The following GASK1B variants were observed in gnomAD, a reference collection of about 807,000 sequenced individuals.
GASK1B encodes golgi associated kinase 1B.
In GASK1B, 34 loss-of-function variants were observed where a neutral mutation model predicts 42.8. The ratio of observed to expected loss-of-function variants is 0.79; its 90% CI spans 0.60 to 1.06. The LOEUF is 1.06. Among genes scored for constraint, GASK1B ranks in the 50% least tolerant of loss-of-function variants. The pLI is 0.00. For missense variants in GASK1B, 686 were observed against 661.0 expected, an observed-to-expected ratio of 1.04 and a Z score of -0.42; for synonymous variants, 262 against 259.1, an observed-to-expected ratio of 1.01 and a Z score of -0.11.
At chr4:158,142,037 TG>T (rs1731153956) in intron 3 of GASK1B, among the ~76,000 whole-genome samples, 1 of 138,578 alleles carries the variant, frequency 7.2e-6, no homozygotes, top group South Asian at 2.5e-4. Flanking sequence ...CTCCGCTTCC[TG>T]GGTTCACGCC....
chr4:158,155,564 C>T, intron 3 of GASK1B, 47 bp downstream of exon 3: 1 of 1,503,060 alleles, frequency 6.7e-7, no homozygotes, highest in Non-Finnish European at 9.2e-7. Flanking sequence ...GCTAATATAA[C>T]TCAGCGCCAG....
chr4:158,144,230 C>T (rs1045142581), intron 3 of GASK1B, among the ~76,000 whole-genome samples: 17 of 152,134 alleles, frequency 1.1e-4, no homozygotes, highest in South Asian at 6.2e-4. Context: ...AAGATTGTAA[C>T]GCTGCCAGAT....
intron 3 of GASK1B, among the ~76,000 whole-genome samples, chr4:158,132,849 A>C (rs1730733727): frequency 6.6e-6 from 1 of 152,168 alleles, no homozygotes; most frequent in African/African-American, 2.4e-5. Context: ...TTCATCCAAA[A>C]AGTCACATAG....
At position 158,171,213 on chromosome 4, in the gene GASK1B, C is replaced by T. The variant is rs1353570950; in HGVS notation, c.163G>A (p.Val55Met). 1.9e-6 allele frequency: 3 copies of T among 1,613,916 alleles called. No individual in the cohort carries two copies. Among genetic ancestry groups the T allele is most frequent in the African/African-American group, 1.3e-5 (1 of 74,942 alleles). The stretch of plus-strand genomic sequence containing the variant: ...CCATGCTGGAGAGAGGCCCTCCCCA[C>T]CTGGCTCACCAGGAAGCCCAAGTAG... ...AIYLGFLVSQVGRASLQHGQA... is the reference protein window; with the variant it reads ...AIYLGFLVSQMGRASLQHGQA... Residue 55 changes from valine (V) to methionine (M), a missense_variant, in exon 2 of 5, where the codon GTG (valine) becomes ATG (methionine). Physicochemically the swap from Val to Met is conservative, Grantham distance 21 (BLOSUM62 1). Coordinates refer to ENST00000585682, the MANE Select transcript of GASK1B (RefSeq NM_001128424.2).
At chr4:158,151,910 G>A (rs2110982428) in intron 3 of GASK1B, among the ~76,000 whole-genome samples, 1 of 152,302 alleles carries the variant, frequency 6.6e-6, no homozygotes, top group East Asian at 1.9e-4. Context: ...TTGAGTCAGT[G>A]GACTGGGAGA....
chr4:158,139,234 T>C lies in GASK1B; in HGVS notation c.1126-8222A>G, dbSNP rs147364816. Reference sequence around the variant, plus strand: ...TGCTTTCATGAAGATTACAACTTAATGCCTCTAAGAATGATTCACTGGGTA... The same window carrying C: ...TGCTTTCATGAAGATTACAACTTAACGCCTCTAAGAATGATTCACTGGGTA... On this transcript the variant is annotated intron_variant, in intron 3 of 4. Transcript: ENST00000585682. Among the ~76,000 whole-genome samples, 555 of 152,334 alleles carry C rather than the reference T, an allele frequency of 3.6e-3. 2 individuals are homozygous for C. Among genetic ancestry groups the C allele is most frequent in the African/African-American group, 0.01 (426 of 41,572 alleles).
chr4:158,131,014 T>C lies in GASK1B; in HGVS notation c.1126-2A>G. The stretch of plus-strand genomic sequence containing the variant: ...ATTTGTATCTAAGCGATTATAAATC[T>C]GTAAATGGAAAACACAAAATCCAAG... On this transcript the variant is annotated splice_acceptor_variant, in intron 3 of 4. Transcript: ENST00000585682. LOFTEE classifies it high-confidence loss of function. 1 of 1,609,240 alleles carries C rather than the reference T, an allele frequency of 6.2e-7. No homozygotes were observed. The highest frequency in any genetic ancestry group is 8.5e-7 in the Non-Finnish European group (1 of 1,177,620).
rs1304475697 is a variant in GASK1B at position 158,162,357 on chromosome 4, G to C, written c.911-6532C>G. On this transcript the variant is annotated intron_variant, in intron 2 of 4. Transcript: ENST00000585682. ...ACAGAGACTACTTCTTAGTCCTCTG[G>C]ATCTCCAACTTTTGATGCAGTGTCT... Among the ~76,000 whole-genome samples, 3 of 152,090 alleles carry C rather than the reference G, an allele frequency of 2.0e-5. No individual in the cohort carries two copies. The East Asian group carries it at 5.8e-4, about 29-fold the overall frequency.
intron 1 of GASK1B, chr4:158,172,154 T>TTCTCTC (rs543338035): frequency 1.3e-5 from 2 of 150,734 alleles, no homozygotes; most frequent in African/African-American, 2.4e-5. Flanking sequence ...TTTATTCTGT[T>TTCTCTC]TCTCTCTCTC....
chr4:158,141,597 C>CATTTTTTTTTTTTTTTTTTTTT lies in GASK1B; in HGVS notation c.1126-10586_1126-10585insAAAAAAAAAAAAAAAAAAAAAT, dbSNP rs1553958620. 6.2e-5 allele frequency among the ~76,000 whole-genome samples: 7 copies of CATTTTTTTTTTTTTTTTTTTTT among 113,694 alleles called. 3 individuals are homozygous for CATTTTTTTTTTTTTTTTTTTTT. 74.6% of individuals were successfully genotyped at this position (113,694 alleles called of 152,430 possible). A position where few individuals can be genotyped will look rare whatever the true frequency, so the allele number is the denominator to read the frequency against. On this transcript the variant is annotated intron_variant, in intron 3 of 4. Transcript: ENST00000585682. ...CATAGGTCAGTGCCTTTGTATTTAC[C>CATTTTTTTTTTTTTTTTTTTTT]TTTTTTTTTTTTTTTTTTTTTTTTT...
chr4:158,159,921 G>A (rs1044059189), intron 2 of GASK1B, among the ~76,000 whole-genome samples: 5 of 152,114 alleles, frequency 3.3e-5, no homozygotes, highest in African/African-American at 1.2e-4. Context: ...GAGCGGTTTT[G>A]TGGAATTATA....
At chr4:158,158,487 A>T (rs1053183202) in intron 2 of GASK1B, among the ~76,000 whole-genome samples, 3 of 152,106 alleles carry the variant, frequency 2.0e-5, no homozygotes, top group African/African-American at 7.2e-5. Flanking sequence ...CAAAGAAAAA[A>T]AGCTATTTGG....
rs1334005563 is a variant in GASK1B at position 158,124,747 on chromosome 4, T to A, written c.*2660A>T. On this transcript the variant is annotated 3_prime_UTR_variant, in exon 5 of 5. Coordinates refer to ENST00000585682, the MANE Select transcript of GASK1B (RefSeq NM_001128424.2). ...CACAATCCAACAAAATTCTTGACTC[T>A]CTTTCTTTTTTCACCGCTAAAGGTA... The A allele has an allele frequency of 6.6e-6, 1 of 152,160 alleles. No homozygotes were observed. Among genetic ancestry groups the A allele is most frequent in the Non-Finnish European group, 1.5e-5 (1 of 68,026 alleles). The allele number at this position is 152,160 out of a possible 1,614,324, so 9.4% of individuals were successfully genotyped here.
At chr4:158,148,131 T>G (rs1013700919) in intron 3 of GASK1B, among the ~76,000 whole-genome samples, 7 of 152,152 alleles carry the variant, frequency 4.6e-5, no homozygotes, top group African/African-American at 1.7e-4. Context: ...GAAGGATCAC[T>G]TGAGCCCAAG....
chr4:158,130,701 C>A, intron 4 of GASK1B, 85 bp downstream of exon 4: 1 of 977,860 alleles, frequency 1.0e-6, no homozygotes, highest in South Asian at 1.6e-5. Flanking sequence ...TTAAAATGAT[C>A]AGATGTAAGA....
intron 3 of GASK1B, among the ~76,000 whole-genome samples, chr4:158,138,879 A>G (rs1560779370): frequency 6.6e-6 from 1 of 152,142 alleles, no homozygotes; most frequent in Non-Finnish European, 1.5e-5. Context: ...TATGAGTTAA[A>G]CTTTTCTTAA....
chr4:158,169,949 T>A, intron 2 of GASK1B: 1 of 407,004 alleles, frequency 2.5e-6, no homozygotes, highest in Non-Finnish European at 4.4e-6. Flanking sequence ...AATAAAGAGG[T>A]TAAATCCATT....
chr4:158,157,648 C>A (rs1305818778), intron 2 of GASK1B, among the ~76,000 whole-genome samples: 1 of 152,030 alleles, frequency 6.6e-6, no homozygotes, highest in Non-Finnish European at 1.5e-5. Context: ...ACTTTGCATG[C>A]TCAGGGCTAG....
At chr4:158,145,193 C>A (rs189807905) in intron 3 of GASK1B, among the ~76,000 whole-genome samples, 1 of 152,228 alleles carries the variant, frequency 6.6e-6, no homozygotes, top group Non-Finnish European at 1.5e-5. Flanking sequence ...TTTATTCTTA[C>A]TTTTATCACA....
Sources: allele counts gnomAD v4.1 joint callset (sites outside exome capture counted in the v4.1 genomes callset), GRCh38; gene constraint gnomAD v4.1.1; transcripts MANE v1.5; gene names NCBI Gene and HGNC (gene_info 2026-07-23, HGNC 2026-07-21).